The following CNTN3 variants were observed in gnomAD, a reference collection of about 807,000 sequenced individuals.
CNTN3 encodes contactin-3.
CNTN3 carries 60 observed loss-of-function variants against 119.1 expected under a neutral mutation model. The observed-to-expected ratio is 0.50, with a 90% CI of 0.41 to 0.62. CNTN3 has a LOEUF of 0.62. Ranked by LOEUF, CNTN3 falls within the 20% of genes least tolerant of loss-of-function variation. The probability of loss-of-function intolerance (pLI) is 0.00; values close to 1 mark genes in which losing one functional copy is unlikely to be tolerated. For synonymous variants in CNTN3, 450 were observed against 438.7 expected (o/e 1.03, Z -0.32); for missense variants, 1,101 against 1,242.4 (o/e 0.89, Z 1.71).
chr3:74,486,330 G>T, intron 4 of CNTN3, 126 bp downstream of exon 4: 2 of 802,816 alleles, frequency 2.5e-6, no homozygotes, highest in Non-Finnish European at 3.9e-6. Flanking sequence ...ATACTGAATT[G>T]CTTTCTCAGT....
At chr3:74,413,412 C>A (rs1701470231) in intron 5 of CNTN3, among the ~76,000 whole-genome samples, 1 of 152,054 alleles carries the variant, frequency 6.6e-6, no homozygotes. Flanking sequence ...TATACATATA[C>A]AAAATGTGTC....
chr3:74,305,366 C>T (rs1702541520), intron 13 of CNTN3, among the ~76,000 whole-genome samples: 2 of 152,108 alleles, frequency 1.3e-5, no homozygotes, highest in Non-Finnish European at 2.9e-5. Context: ...GAAGGCAGGA[C>T]ATACATATAA....
intron 11 of CNTN3, among the ~76,000 whole-genome samples, chr3:74,357,553 G>T (rs1348112189): frequency 6.6e-6 from 1 of 152,132 alleles, no homozygotes; most frequent in East Asian, 1.9e-4. Flanking sequence ...AAAGTGCTGG[G>T]ATTACAGGCG....
chr3:74,544,764 A>T (rs535989974), intron 1 of CNTN3, among the ~76,000 whole-genome samples: 28 of 151,846 alleles, frequency 1.8e-4, no homozygotes, highest in African/African-American at 5.3e-4. Flanking sequence ...ACATCTGGCA[A>T]TTTTTTTGTA....
At chr3:74,524,707 A>G (rs1703591108) in intron 1 of CNTN3, among the ~76,000 whole-genome samples, 2 of 151,786 alleles carry the variant, frequency 1.3e-5, no homozygotes, top group Admixed American at 1.3e-4. Flanking sequence ...CCAGGACCCC[A>G]CCACACCTCT....
intron 16 of CNTN3, among the ~76,000 whole-genome samples, chr3:74,300,656 T>A (rs1702436861): frequency 6.6e-6 from 1 of 152,218 alleles, no homozygotes; most frequent in South Asian, 2.1e-4. Context: ...TGAAACAGCA[T>A]CATGAAAATT....
intron 5 of CNTN3, among the ~76,000 whole-genome samples, chr3:74,389,541 A>G (rs564901126): frequency 9.2e-5 from 14 of 152,338 alleles, no homozygotes; most frequent in African/African-American, 3.4e-4. Flanking sequence ...AGTGACAGTA[A>G]TAGCTAATAC....
intron 1 of CNTN3, among the ~76,000 whole-genome samples, chr3:74,573,037 GC>G (rs1041269419): frequency 2.0e-5 from 3 of 152,336 alleles, no homozygotes; most frequent in Admixed American, 6.5e-5. Flanking sequence ...GGCATTTGAG[GC>G]AAGCCTCGGA....
rs538944596 is a variant in CNTN3 at position 74,315,879 on chromosome 3, T to C, written c.1669-13072A>G. On this transcript the variant is annotated intron_variant, in intron 13 of 22. Transcript: ENST00000263665. ...AATCCTAGGAAACACCCTATGAAAA[T>C]ATTTTATATGGAAATACCCCATAAA... is the stretch of plus-strand genomic sequence containing the variant. 4.6e-5 allele frequency among the ~76,000 whole-genome samples: 7 copies of C among 152,186 alleles called. No individual in the cohort carries two copies. The South Asian group carries it at 1.2e-3, about 27-fold the overall frequency.
intron 4 of CNTN3, among the ~76,000 whole-genome samples, chr3:74,471,157 G>A (rs1043729778): frequency 3.9e-5 from 6 of 152,052 alleles, no homozygotes; most frequent in African/African-American, 1.4e-4. Flanking sequence ...GGATTACATG[G>A]ACACAGGGAG....
intron 4 of CNTN3, among the ~76,000 whole-genome samples, chr3:74,469,593 G>T (rs1702523218): frequency 6.6e-6 from 1 of 152,102 alleles, no homozygotes; most frequent in Non-Finnish European, 1.5e-5. Flanking sequence ...GTAAACACAT[G>T]AAAACAAGCT....
At chr3:74,418,342 CTT>C (rs56258495) in intron 5 of CNTN3, among the ~76,000 whole-genome samples, 15 of 99,630 alleles carry the variant, frequency 1.5e-4, no homozygotes, top group Non-Finnish European at 1.9e-4. Flanking sequence ...AAACATATTC[CTT>C]TTTTTTTTTT....
chr3:74,304,818 GA>G (rs1702526845), intron 13 of CNTN3, among the ~76,000 whole-genome samples: 1 of 152,102 alleles, frequency 6.6e-6, no homozygotes, highest in South Asian at 2.1e-4. Flanking sequence ...AAAACAAGTA[GA>G]ATTGGAAATG....
intron 1 of CNTN3, among the ~76,000 whole-genome samples, chr3:74,607,156 G>C (rs1705006107): frequency 6.6e-6 from 1 of 152,030 alleles, no homozygotes; most frequent in African/African-American, 2.4e-5. Context: ...GGAATGCACA[G>C]GGGCGAGGGA....
chr3:74,402,601 G>A (rs902470261), intron 5 of CNTN3, among the ~76,000 whole-genome samples: 1 of 152,086 alleles, frequency 6.6e-6, no homozygotes, highest in African/African-American at 2.4e-5. Context: ...CATTATTTTT[G>A]GCTTTGAGAA....
chr3:74,572,173 C>T (rs1173117798), intron 1 of CNTN3, among the ~76,000 whole-genome samples: 3 of 152,150 alleles, frequency 2.0e-5, no homozygotes, highest in African/African-American at 7.2e-5. Flanking sequence ...CTCTTCTGTA[C>T]TACTAGAGGA....
In CNTN3 at chr3:74,553,914, T is replaced by C. The variant is rs1390924679; in HGVS notation, c.-80-32722A>G. Among the ~76,000 whole-genome samples, 2 of 152,232 alleles carry C rather than the reference T, an allele frequency of 1.3e-5. 1 individual carries two copies. Among genetic ancestry groups the C allele is most frequent in the Admixed American group, 1.3e-4 (2 of 15,290 alleles). ...TTTCTTTTGCTGTGCAGAAGCTCTT[T>C]AGTTTAATTAGATCCCATTTGTCAA... is the stretch of plus-strand genomic sequence containing the variant. On this transcript the variant is annotated intron_variant, in intron 1 of 22. Transcript: ENST00000263665.
At chr3:74,458,281 C>T (rs1306704274) in intron 4 of CNTN3, among the ~76,000 whole-genome samples, 1 of 151,918 alleles carries the variant, frequency 6.6e-6, no homozygotes, top group African/African-American at 2.4e-5. Context: ...TCAGGACTTA[C>T]AATATACCTG....
intron 11 of CNTN3, among the ~76,000 whole-genome samples, chr3:74,338,181 A>T (rs1703440873): frequency 6.6e-6 from 1 of 152,114 alleles, no homozygotes. Flanking sequence ...CATATATGCC[A>T]ACTATGGTAA....
Sources: allele counts gnomAD v4.1 joint callset (sites outside exome capture counted in the v4.1 genomes callset), GRCh38; gene constraint gnomAD v4.1.1; transcripts MANE v1.5; gene names NCBI Gene and HGNC (gene_info 2026-07-23, HGNC 2026-07-21).